Variants in FKBP11 observed in about 807,000 individuals in gnomAD.
FKBP11 encodes FKBP prolyl isomerase 11, also known as peptidyl-prolyl cis-trans isomerase FKBP11.
A neutral mutation model predicts 24.7 loss-of-function variants in FKBP11; 21 were observed. The observed-to-expected ratio is 0.85, with a 90% CI of 0.60 to 1.23. The LOEUF (loss-of-function observed/expected upper bound fraction) is 1.23, where lower values mean the gene tolerates loss of function less well. Among genes scored for constraint, FKBP11 ranks in the 50% most tolerant of loss-of-function variants. FKBP11 has a pLI of 0.00. For synonymous variants in FKBP11, 106 were observed against 100.6 expected (o/e 1.05, Z -0.32); for missense variants, 245 against 248.7 (o/e 0.99, Z 0.10).
the FKBP11 span, chr12:48,938,334 C>T: frequency 2.2e-6 from 1 of 453,028 alleles, no homozygotes; most frequent in African/African-American, 2.0e-5. Flanking sequence ...CTCCCACCTT[C>T]TTCCCTTAAT....
At chr12:48,931,546 C>G in the FKBP11 span, 2 of 1,292,986 alleles carry the variant, frequency 1.5e-6, no homozygotes, top group African/African-American at 2.9e-5. Context: ...CCACCCCTGG[C>G]TGGAGATACA....
chr12:48,922,549 C>T (rs150674113), intron 5 of FKBP11: 14 of 1,017,218 alleles, frequency 1.4e-5, no homozygotes, highest in South Asian at 1.3e-4. Flanking sequence ...AATAACCACA[C>T]GGATAGAGTC....
At chr12:48,938,279 A>G in the FKBP11 span, 1 of 412,878 alleles carries the variant, frequency 2.4e-6, no homozygotes, top group Non-Finnish European at 4.9e-6. Flanking sequence ...TGCAGAGAGG[A>G]GGGTAACCAG....
At chr12:48,924,280 A>G (rs200840167) in intron 3 of FKBP11, 24 bp from the exon 4 acceptor site, 72 of 1,614,148 alleles carry the variant, frequency 4.5e-5, no homozygotes, top group Non-Finnish European at 1.4e-5. Context: ...ACACAACTGA[A>G]CTGGAAGCTA....
chr12:48,925,549 G>A, upstream of FKBP11: 7 of 1,234,318 alleles, frequency 5.7e-6, no homozygotes, highest in Non-Finnish European at 7.7e-6. Flanking sequence ...CGCGATGCTA[G>A]AGCTCCTCCT....
At chr12:48,927,363 C>T (rs1343098032), upstream of FKBP11, among the ~76,000 whole-genome samples, 1 of 152,116 alleles carries the variant, frequency 6.6e-6, no homozygotes, top group Non-Finnish European at 1.5e-5. Context: ...AAAAAAGTCC[C>T]CTCAGCAGGA....
chr12:48,922,973 GC>G, intron 5 of FKBP11: 1 of 791,092 alleles, frequency 1.3e-6, no homozygotes, highest in Non-Finnish European at 1.8e-6. Context: ...ACATGGAGAA[GC>G]CCCATCTCTA....
chr12:48,928,062 T>TTTC, upstream of FKBP11, among the ~76,000 whole-genome samples: 1 of 148,692 alleles, frequency 6.7e-6, no homozygotes, highest in Non-Finnish European at 1.5e-5. Context: ...TTTTTTTTTT[T>TTTC]TTTGAGATGG....
In FKBP11 at chr12:48,924,622, A is replaced by G; in HGVS notation, c.222T>C (p.Ile74=). The G allele has an allele frequency of 6.2e-7, 1 of 1,614,056 alleles. No individual in the cohort carries two copies. Among genetic ancestry groups the G allele is most frequent in the South Asian group, 1.1e-5 (1 of 91,066 alleles). The change falls in exon 3 of 6, where the codon ATT becomes ATC. Residue 74 remains isoleucine, a synonymous_variant. Coordinates refer to ENST00000550765, the MANE Select transcript of FKBP11 (RefSeq NM_016594.3). ...YTGSLVDGRI[I]DTSLTRDPLV... ...GAGGGTCTCTGGTCAGGGAGGTGTC[A>G]ATAATACGTCCATCTACCAAGCTTC...
At chr12:48,935,257 TTAA>T in the FKBP11 span, among the ~76,000 whole-genome samples, 1 of 152,214 alleles carries the variant, frequency 6.6e-6, no homozygotes, top group African/African-American at 2.4e-5. Context: ...TGATGGCCTA[TTAA>T]TAATAGAAGT....
chr12:48,934,795 CCTGAGGTCAG>C, the FKBP11 span, among the ~76,000 whole-genome samples: 37 of 152,154 alleles, frequency 2.4e-4, 1 homozygote, highest in South Asian at 7.7e-3. Flanking sequence ...GGGCAGATCA[CCTGAGGTCAG>C]GAGTTCAAGA....
the FKBP11 span, chr12:48,938,139 G>A: frequency 9.1e-6 from 3 of 331,044 alleles, no homozygotes; most frequent in South Asian, 2.4e-5. Context: ...AGAGCAGAGT[G>A]GCATCTCCTT....
chr12:48,931,658 A>C, the FKBP11 span: 13 of 582,020 alleles, frequency 2.2e-5, no homozygotes, highest in Middle Eastern at 2.8e-4. Flanking sequence ...TCCAAGACTC[A>C]TGGGGCACCC....
upstream of FKBP11, among the ~76,000 whole-genome samples, chr12:48,927,536 C>T (rs1203664818): frequency 6.6e-6 from 1 of 152,078 alleles, no homozygotes; most frequent in Non-Finnish European, 1.5e-5. Flanking sequence ...ACAAAAAAAC[C>T]ACAAAACTCC....
At chr12:48,928,818 C>CTTTTTTTTTTT (rs1196484675), upstream of FKBP11, among the ~76,000 whole-genome samples, 3 of 94,230 alleles carry the variant, frequency 3.2e-5, no homozygotes, top group African/African-American at 7.8e-5. Flanking sequence ...AAACTTCTAT[C>CTTTTTTTTTTT]TTTTTTTTTT....
In FKBP11 at chr12:48,924,551, G is replaced by A; in HGVS notation, c.283+10C>T. On this transcript the variant is annotated intron_variant, in intron 3 of 5. Coordinates refer to ENST00000550765, the MANE Select transcript of FKBP11 (RefSeq NM_016594.3). ...GGGAAGAGGTGGAATGGGAGGCACA[G>A]GTCACATACCTGGAATCACCTGCTT... 1 of 1,612,064 alleles carries A rather than the reference G, an allele frequency of 6.2e-7. No individual in the cohort carries two copies. The highest frequency in any genetic ancestry group is 2.2e-5 in the East Asian group (1 of 44,854).
At chr12:48,925,595 A>G (rs917206132), upstream of FKBP11, 7 of 895,782 alleles carry the variant, frequency 7.8e-6, no homozygotes, top group Non-Finnish European at 1.2e-5. Context: ...CCCACCTCCG[A>G]AAGGGAGGAG....
At chr12:48,924,063 G>A in intron 4 of FKBP11, 160 bp downstream of exon 4, 1 of 922,364 alleles carries the variant, frequency 1.1e-6, no homozygotes, top group South Asian at 1.4e-5. Context: ...AAGAGGCACA[G>A]AGGCTTTGAA....
upstream of FKBP11, among the ~76,000 whole-genome samples, chr12:48,928,440 G>C (rs964824905): frequency 5.9e-5 from 9 of 151,746 alleles, no homozygotes; most frequent in Non-Finnish European, 1.0e-4. Flanking sequence ...CGCCTCCTGA[G>C]TTCAAGCGAG....
Sources: gnomAD v4.1 joint callset for allele counts (sites outside exome capture counted in the v4.1 genomes callset) on GRCh38, gnomAD v4.1.1 for gene constraint, MANE v1.5 for transcripts, NCBI Gene and HGNC (gene_info 2026-07-23, HGNC 2026-07-21) for gene names.